The following CDH8 variants were observed in gnomAD, a reference collection of about 807,000 sequenced individuals.
CDH8 encodes the protein cadherin-8.
In CDH8, 17 loss-of-function variants were observed where a neutral mutation model predicts 68.1. That is an observed-to-expected ratio of 0.25 (90% confidence interval 0.17 to 0.37). The LOEUF (loss-of-function observed/expected upper bound fraction) is 0.37. Ranked by LOEUF, CDH8 falls within the 10% of genes least tolerant of loss-of-function variation. CDH8 has a pLI of 1.00. For synonymous variants in CDH8, 372 were observed against 365.1 expected (o/e 1.02, Z -0.21); for missense variants, 763 against 999.3 (o/e 0.76, Z 3.19).
chr16:61,992,054 G>GTGTGTGTGTGTGTGTGTT, intron 2 of CDH8, among the ~76,000 whole-genome samples: 1 of 134,728 alleles, frequency 7.4e-6, no homozygotes, highest in African/African-American at 2.7e-5. Context: ...AAATCTTTGT[G>GTGTGTGTGTGTGTGTGTT]TGTGTGTGTG....
chr16:61,672,067 T>C (rs1963808121), intron 10 of CDH8, among the ~76,000 whole-genome samples: 1 of 151,834 alleles, frequency 6.6e-6, no homozygotes, highest in African/African-American at 2.4e-5. Flanking sequence ...ATAAAAGGGA[T>C]TTTTTTTGAA....
rs561106175 is a variant in CDH8 at position 61,991,178 on chromosome 16, A to G, written c.252+29974T>C. Reference sequence around the variant, plus strand: ...CCAACTTGGCACGTTTGGGAATCCAATTTTCTCCAAACTGCCAGAGTTAGC... The same window carrying G: ...CCAACTTGGCACGTTTGGGAATCCAGTTTTCTCCAAACTGCCAGAGTTAGC... On this transcript the variant is annotated intron_variant, in intron 2 of 11. Coordinates refer to ENST00000577390, the MANE Select transcript of CDH8 (RefSeq NM_001796.5). Among the ~76,000 whole-genome samples the G allele has an allele frequency of 2.0e-5, 3 of 152,206 alleles. No homozygotes were observed. In the East Asian group the frequency reaches 5.8e-4, roughly 30 times the overall value.
chr16:62,008,152 G>A (rs1901717157), intron 2 of CDH8, among the ~76,000 whole-genome samples: 1 of 151,866 alleles, frequency 6.6e-6, no homozygotes, highest in Non-Finnish European at 1.5e-5. Flanking sequence ...GCCCAGTCTG[G>A]TCTCAAACTC....
At chr16:62,024,589 T>A (rs1014380773) in intron 1 of CDH8, among the ~76,000 whole-genome samples, 4 of 152,174 alleles carry the variant, frequency 2.6e-5, no homozygotes, top group Non-Finnish European at 5.9e-5. Context: ...CCAGAATAAG[T>A]TAAAAAATGA....
At chr16:61,766,778 T>C (rs1376283810) in intron 8 of CDH8, among the ~76,000 whole-genome samples, 1 of 152,036 alleles carries the variant, frequency 6.6e-6, no homozygotes, top group Non-Finnish European at 1.5e-5. Context: ...ATAACCTACC[T>C]ACTTCAGTAT....
intron 8 of CDH8, among the ~76,000 whole-genome samples, chr16:61,772,506 C>T (rs981810165): frequency 1.3e-5 from 2 of 151,918 alleles, no homozygotes; most frequent in Non-Finnish European, 2.9e-5. Flanking sequence ...TTAAACATGC[C>T]AAAGAATACA....
At chr16:61,709,197 A>G (rs1263498436) in intron 10 of CDH8, among the ~76,000 whole-genome samples, 2 of 152,044 alleles carry the variant, frequency 1.3e-5, no homozygotes, top group Non-Finnish European at 2.9e-5. Flanking sequence ...TTGTAATAGC[A>G]GAACTTAAGG....
At chr16:61,975,315 G>T (rs769885581) in intron 2 of CDH8, among the ~76,000 whole-genome samples, 5 of 152,174 alleles carry the variant, frequency 3.3e-5, no homozygotes, top group African/African-American at 4.8e-5. Context: ...TCAGGATTTT[G>T]ACATTGGAAA....
chr16:61,937,988 C>T (rs1198675034), intron 2 of CDH8: 1 of 152,080 alleles, frequency 6.6e-6, no homozygotes, highest in African/African-American at 2.4e-5. Flanking sequence ...TCTGTAAGTA[C>T]TAAATATTAT....
intron 10 of CDH8, among the ~76,000 whole-genome samples, chr16:61,668,280 G>A (rs1468566762): frequency 6.6e-6 from 1 of 151,832 alleles, no homozygotes; most frequent in Non-Finnish European, 1.5e-5. Context: ...CAGAATCCAA[G>A]TTGCATGCTA....
At chr16:61,906,329 C>A (rs926400470) in intron 2 of CDH8, among the ~76,000 whole-genome samples, 2 of 152,168 alleles carry the variant, frequency 1.3e-5, no homozygotes, top group Non-Finnish European at 2.9e-5. Flanking sequence ...ATTCTCGAGG[C>A]CAGCCTAGCA....
At chr16:61,876,411 T>A (rs900010010) in intron 3 of CDH8, among the ~76,000 whole-genome samples, 2 of 152,036 alleles carry the variant, frequency 1.3e-5, no homozygotes, top group African/African-American at 4.8e-5. Flanking sequence ...ATTAAAAGAT[T>A]TCTGGTTCTT....
At chr16:61,972,569 T>TGGGGGG (rs10629724) in intron 2 of CDH8, among the ~76,000 whole-genome samples, 66 of 98,126 alleles carry the variant, frequency 6.7e-4, no homozygotes, top group Non-Finnish European at 1.0e-3. Flanking sequence ...GAACACATTG[T>TGGGGGG]GGGTGTGTGT....
intron 4 of CDH8, among the ~76,000 whole-genome samples, chr16:61,834,880 G>C (rs1962535206): frequency 1.3e-5 from 2 of 151,902 alleles, no homozygotes; most frequent in South Asian, 4.1e-4. Context: ...AATGAGAAAG[G>C]TCTTGGACAA....
At chr16:61,969,599 G>A (rs1314373071) in intron 2 of CDH8, among the ~76,000 whole-genome samples, 1 of 152,032 alleles carries the variant, frequency 6.6e-6, no homozygotes, top group Non-Finnish European at 1.5e-5. Context: ...TATATTATTT[G>A]CCAATGCATT....
At chr16:61,822,847 G>A (rs1962246969) in intron 5 of CDH8, among the ~76,000 whole-genome samples, 1 of 151,866 alleles carries the variant, frequency 6.6e-6, no homozygotes, top group South Asian at 2.1e-4. Context: ...GGGAGTCTTG[G>A]GAAGCCAAGC....
chr16:61,899,598 T>C (rs936919947), intron 3 of CDH8, among the ~76,000 whole-genome samples: 12 of 151,764 alleles, frequency 7.9e-5, no homozygotes, highest in Admixed American at 3.9e-4. Context: ...AAAGGTATTA[T>C]GGGGAAGAAA....
In CDH8 at chr16:61,647,618, T is replaced by C; in HGVS notation, c.*5990A>G. On this transcript the variant is annotated 3_prime_UTR_variant, in exon 12 of 12. Transcript: ENST00000577390. ...AATCCCAAGAAATTAACATTTGGCTTTGGGGGGTGATCCCAATGACTCCTA... is the reference window on the plus strand; with the variant it reads ...AATCCCAAGAAATTAACATTTGGCTCTGGGGGGTGATCCCAATGACTCCTA... 1 of 557,198 alleles carries C rather than the reference T, an allele frequency of 1.8e-6. No homozygotes were observed. The highest frequency in any genetic ancestry group is 2.3e-5 in the South Asian group (1 of 44,260). 34.5% of individuals were successfully genotyped at this position (557,198 alleles called of 1,614,324 possible). A position where few individuals can be genotyped will look rare whatever the true frequency, so the allele number is the denominator to read the frequency against.
intron 3 of CDH8, among the ~76,000 whole-genome samples, chr16:61,899,121 C>G (rs777379671): frequency 5.3e-5 from 8 of 152,116 alleles, no homozygotes; most frequent in Non-Finnish European, 1.2e-4. Flanking sequence ...AACGCTATCC[C>G]TCCTCTGGCT....
Sources: allele counts gnomAD v4.1 joint callset (sites outside exome capture counted in the v4.1 genomes callset), GRCh38; gene constraint gnomAD v4.1.1; transcripts MANE v1.5; gene names NCBI Gene and HGNC (gene_info 2026-07-23, HGNC 2026-07-21).